The following PALB2 variants were observed in gnomAD, a reference collection of about 807,000 sequenced individuals.
PALB2 encodes partner and localizer of BRCA2.
In PALB2, 82 loss-of-function variants were observed where a neutral mutation model predicts 107.4. The observed-to-expected ratio is 0.76, with a 90% confidence interval of 0.64 to 0.92. The LOEUF (loss-of-function observed/expected upper bound fraction) is 0.92. PALB2 is among the 40% of genes least tolerant of loss of function. PALB2 has a pLI of 0.00. For synonymous variants in PALB2, 489 were observed against 496.8 expected (o/e 0.98, Z 0.21); for missense variants, 1,374 against 1,379.9 (o/e 1.00, Z 0.07).
Position 23,626,349 on chromosome 16 carries a change from T to C in PALB2, c.2635A>G (p.Arg879Gly), listed in dbSNP as rs1555459994. The C allele has an allele frequency of 6.2e-7, 1 of 1,614,212 alleles. No individual in the cohort carries two copies. Among genetic ancestry groups the C allele is most frequent in the Non-Finnish European group, 8.5e-7 (1 of 1,180,052 alleles). ...ATACATGGCTCTTTACAACCGGCTCTTTCCCAAAACATGGCACTCACATCT... is the reference window on the plus strand; with the variant it reads ...ATACATGGCTCTTTACAACCGGCTCCTTCCCAAAACATGGCACTCACATCT... ...SVDVSAMFWE[R>G]AGCKEPCIIT... The change falls in exon 7 of 13, where the codon AGA (arginine) becomes GGA (glycine). Residue 879 changes from arginine to glycine, a missense_variant. By Grantham distance (125) the Arg-to-Gly change is moderately radical. Transcript: ENST00000261584.
At chr16:23,640,587 AAAAG>A (rs1292485934) in intron 1 of PALB2, 2 of 232,668 alleles carry the variant, frequency 8.6e-6, no homozygotes, top group Non-Finnish European at 1.7e-5. Flanking sequence ...TAGAACTTAA[AAAAG>A]AAAGCAAGGT....
intron 11 of PALB2, among the ~76,000 whole-genome samples, chr16:23,611,086 A>G (rs899227551): frequency 3.9e-5 from 5 of 127,414 alleles, no homozygotes; most frequent in Non-Finnish European, 6.9e-5. Flanking sequence ...CAGTCTATCT[A>G]TCTATCTATC....
intron 12 of PALB2, among the ~76,000 whole-genome samples, chr16:23,606,546 G>A (rs919709136): frequency 2.0e-5 from 3 of 151,596 alleles, no homozygotes; most frequent in African/African-American, 7.3e-5. Context: ...GTCAGACCTT[G>A]TTTTCTTGAT....
chr16:23,636,282 A>G lies in PALB2; in HGVS notation c.264T>C (p.Leu88=). 1 of 1,613,934 alleles carries G rather than the reference A, an allele frequency of 6.2e-7. No individual in the cohort carries two copies. The highest frequency in any genetic ancestry group is 8.5e-7 in the Non-Finnish European group (1 of 1,179,936). ...ATGTCTTTTCTCCAGTTTCTTCATC[A>G]AGATGGGTTTTGATGTGTAACTTGT... ...VYDKLHIKTH[L]DEETGEKTSI... is the part of the protein sequence containing the mutation. Residue 88 remains leucine, a synonymous_variant, in exon 4 of 13, where the codon CTT becomes CTC. Transcript: ENST00000261584.
At chr16:23,609,340 G>A (rs907005528) in intron 11 of PALB2, among the ~76,000 whole-genome samples, 10 of 152,092 alleles carry the variant, frequency 6.6e-5, no homozygotes, top group African/African-American at 1.2e-4. Flanking sequence ...GGGGAGGATC[G>A]CTTGAGCCCA....
intron 6 of PALB2, among the ~76,000 whole-genome samples, chr16:23,627,421 A>G (rs1295847962): frequency 6.7e-6 from 1 of 148,352 alleles, no homozygotes; most frequent in Non-Finnish European, 1.5e-5. Flanking sequence ...CGGGAAGCGG[A>G]GCTTGCAGTG....
intron 4 of PALB2, among the ~76,000 whole-genome samples, 191 bp from the exon 5 acceptor site, chr16:23,630,660 T>C (rs1198946901): frequency 6.6e-6 from 1 of 152,206 alleles, no homozygotes; most frequent in African/African-American, 2.4e-5. Context: ...CATTCTTAAA[T>C]GTAATACCCA....
chr16:23,621,516 C>T, intron 9 of PALB2, 38 bp from the exon 10 acceptor site: 1 of 1,285,052 alleles, frequency 7.8e-7, no homozygotes, highest in South Asian at 1.2e-5. Context: ...GTACTTTGCA[C>T]TAAAGCAGTC....
intron 1 of PALB2, among the ~76,000 whole-genome samples, chr16:23,638,860 A>C (rs191993891): frequency 7.6e-4 from 115 of 152,266 alleles, no homozygotes; most frequent in African/African-American, 2.5e-3. Context: ...AGTTTTGGGA[A>C]GATCAGAGGG....
In PALB2 at chr16:23,629,636, G is replaced by GT. The variant is rs587781602; in HGVS notation, c.2514+3dup. 4.3e-6 allele frequency: 7 copies of GT among 1,613,066 alleles called. No individual in the cohort carries two copies. In the African/African-American group the frequency reaches 5.3e-5, roughly 12 times the overall value. On this transcript the variant is annotated splice_donor_region_variant and intron_variant, in intron 5 of 12. Coordinates refer to ENST00000261584, the MANE Select transcript of PALB2 (RefSeq NM_024675.4). Reference sequence around the variant, plus strand: ...GAAAATTTCACAGAGGAAATGGATTGTACCTGTTCGACGGAATGTTTATGC... The same window carrying GT: ...GAAAATTTCACAGAGGAAATGGATTGTTACCTGTTCGACGGAATGTTTATGC...
intron 1 of PALB2, chr16:23,640,462 C>G (rs529686703): frequency 9.6e-6 from 2 of 209,086 alleles, no homozygotes; most frequent in Non-Finnish European, 9.7e-6. Flanking sequence ...CGAGATCGCG[C>G]CACTGCACCC....
chr16:23,640,205 T>C (rs1022183052), intron 1 of PALB2: 3 of 178,358 alleles, frequency 1.7e-5, no homozygotes, highest in Non-Finnish European at 2.4e-5. Context: ...ACCAATCTTA[T>C]CAATGTCTGG....
At chr16:23,625,879 G>C (rs985114263) in intron 7 of PALB2, among the ~76,000 whole-genome samples, 1 of 151,712 alleles carries the variant, frequency 6.6e-6, no homozygotes, top group Non-Finnish European at 1.5e-5. Flanking sequence ...TACTTGGGAG[G>C]GTGAGGTGAG....
chr16:23,631,761 G>A (rs774985980), intron 4 of PALB2, among the ~76,000 whole-genome samples: 4 of 152,194 alleles, frequency 2.6e-5, no homozygotes, highest in Non-Finnish European at 5.9e-5. Flanking sequence ...TCAACAGGCT[G>A]CCAGAGTATG....
rs989104598 is a variant in PALB2 at position 23,607,776 on chromosome 16, C to T, written c.3350+88G>A. On this transcript the variant is annotated intron_variant, in intron 12 of 12. Coordinates refer to ENST00000261584, the MANE Select transcript of PALB2 (RefSeq NM_024675.4). ...ATAGTATTTCATGTTTTCCATTCTT[C>T]TAAGTGACACAAAAATATCTAGTTT... is the stretch of plus-strand genomic sequence containing the variant. The T allele has an allele frequency of 1.2e-5, 18 of 1,460,286 alleles. No homozygotes were observed. In the African/African-American group the frequency reaches 1.7e-4, roughly 14 times the overall value. 90.5% of individuals were successfully genotyped at this position (1,460,286 alleles called of 1,614,324 possible).
chr16:23,634,923 C>G lies in PALB2; in HGVS notation c.1623G>C (p.Arg541Ser), dbSNP rs745665968. The G allele has an allele frequency of 3.7e-6, 6 of 1,614,130 alleles. No individual in the cohort carries two copies. Among genetic ancestry groups the G allele is most frequent in the Non-Finnish European group, 5.1e-6 (6 of 1,180,036 alleles). The change falls in exon 4 of 13, where the codon AGG (arginine) becomes AGC (serine). Residue 541 changes from arginine (R) to serine (S), a missense_variant. Physicochemically the swap from Arg to Ser is moderately radical, Grantham distance 110 (BLOSUM62 -1). Transcript: ENST00000261584. ...TGTGTGAGGTGACTTCTTCCTTGGA[C>G]CTGTTAACAATCGACAGGCTAGAAG... ...LPTSSLSIVN[R>S]SKEEVTSHKY... is the part of the protein sequence containing the mutation.
rs1475548158 is a variant in PALB2 at position 23,630,375 on chromosome 16, A to G, written c.1779T>C (p.His593=). ...GCTTTAAACTCAGCATTCCATCCCTATGAAATGGAGCCGTGAAAGCATCAT... is the reference window on the plus strand; with the variant it reads ...GCTTTAAACTCAGCATTCCATCCCTGTGAAATGGAGCCGTGAAAGCATCAT... ...LDDDAFTAPF[H]RDGMLSLKQL... The change falls in exon 5 of 13, where the codon CAT becomes CAC. Residue 593 remains histidine, a synonymous_variant. Transcript: ENST00000261584. 6.2e-7 allele frequency: 1 copy of G among 1,614,114 alleles called. No individual in the cohort carries two copies. Among genetic ancestry groups the G allele is most frequent in the African/African-American group, 1.3e-5 (1 of 75,058 alleles).
At chr16:23,622,079 C>T (rs904258197) in intron 9 of PALB2, among the ~76,000 whole-genome samples, 1 of 152,120 alleles carries the variant, frequency 6.6e-6, no homozygotes, top group Non-Finnish European at 1.5e-5. Context: ...CCAAAGTTCC[C>T]TGCCCTCCAT....
chr16:23,622,835 G>A, intron 9 of PALB2, 134 bp downstream of exon 9: 1 of 973,454 alleles, frequency 1.0e-6, no homozygotes, highest in Non-Finnish European at 1.6e-6. Context: ...TCATAACCTA[G>A]TGTTGATGCG....
Sources: gnomAD v4.1 joint callset for allele counts (sites outside exome capture counted in the v4.1 genomes callset) on GRCh38, gnomAD v4.1.1 for gene constraint, MANE v1.5 for transcripts, NCBI Gene and HGNC (gene_info 2026-07-23, HGNC 2026-07-21) for gene names.